Variants in INPP5B observed in about 807,000 individuals in gnomAD.
INPP5B encodes type II inositol 1,4,5-trisphosphate 5-phosphatase.
A neutral mutation model predicts 118.5 loss-of-function variants in INPP5B; 90 were observed. The observed-to-expected ratio is 0.76, with a 90% confidence interval of 0.64 to 0.90. INPP5B has a LOEUF of 0.90. INPP5B is among the 40% of genes least tolerant of loss of function. INPP5B has a pLI of 0.00. For missense variants in INPP5B, 984 were observed against 1,125.6 expected (o/e 0.87, Z 1.80); for synonymous variants, 385 against 418.9 (o/e 0.92, Z 0.99).
chr1:37,883,599 C>T (rs1488872475), intron 13 of INPP5B: 9 of 985,292 alleles, frequency 9.1e-6, no homozygotes, highest in East Asian at 1.1e-4. Context: ...CAGCAGTACA[C>T]GCACACCAAA....
At chr1:37,868,375 A>C in intron 20 of INPP5B, 126 bp downstream of exon 20, 1 of 656,572 alleles carries the variant, frequency 1.5e-6, no homozygotes, top group Non-Finnish European at 2.8e-6. Context: ...CATACTATCT[A>C]TCCTTCCTCC....
chr1:37,889,592 C>T lies in INPP5B; in HGVS notation c.762G>A (p.Gln254=). Residue 254 remains glutamine (Q), a synonymous_variant, in exon 9 of 24, where the codon CAG becomes CAA. Coordinates refer to ENST00000373024, the MANE Select transcript of INPP5B (RefSeq NM_005540.3). ...RDTIVKSHLL[Q]KEEDYTYIQN... The stretch of plus-strand genomic sequence containing the variant: ...GGATATAGGTGTAATCCTCTTCTTT[C>T]TGTAGTAGATGTGATTTCACAATTG... The T allele has an allele frequency of 1.9e-6, 3 of 1,613,918 alleles. No homozygotes were observed. Among genetic ancestry groups the T allele is most frequent in the South Asian group, 2.2e-5 (2 of 91,028 alleles).
chr1:37,889,365 G>A (rs149114407), intron 9 of INPP5B, among the ~76,000 whole-genome samples, 192 bp downstream of exon 9: 37 of 152,166 alleles, frequency 2.4e-4, no homozygotes, highest in African/African-American at 7.7e-4. Context: ...ACCTATCACC[G>A]TGCCCACCTA....
intron 7 of INPP5B, among the ~76,000 whole-genome samples, chr1:37,923,046 A>G (rs1433872135): frequency 6.6e-6 from 1 of 152,204 alleles, no homozygotes; most frequent in Non-Finnish European, 1.5e-5. Context: ...GGGGAGGGCA[A>G]CACAGAGATG....
chr1:37,877,072 A>G (rs1642879879), intron 16 of INPP5B, among the ~76,000 whole-genome samples: 1 of 151,802 alleles, frequency 6.6e-6, no homozygotes, highest in South Asian at 2.1e-4. Context: ...TTTGAAAAAA[A>G]ACAAAAAGAA....
Position 37,887,422 on chromosome 1 carries a change from C to T in INPP5B, c.943G>A (p.Asp315Asn), listed in dbSNP as rs778216492. ...DLSKEAFFFH[D>N]TPKEEEWFKA... ...AACCACTCTTCCTCCTTTGGGGTATCGTGAAAGAAAAAAGCTTCCTTACTC... is the reference window on the plus strand; with the variant it reads ...AACCACTCTTCCTCCTTTGGGGTATTGTGAAAGAAAAAAGCTTCCTTACTC... The change falls in exon 11 of 24, where the codon GAT becomes AAT. Residue 315 changes from aspartate (D) to asparagine (N), a missense_variant. By Grantham distance (23) the Asp-to-Asn change is conservative. Coordinates refer to ENST00000373024, the MANE Select transcript of INPP5B (RefSeq NM_005540.3). The T allele has an allele frequency of 3.7e-5, 59 of 1,612,818 alleles. No individual in the cohort carries two copies. Among genetic ancestry groups the T allele is most frequent in the Non-Finnish European group, 5.0e-5 (59 of 1,179,544 alleles).
In INPP5B at chr1:37,882,801, C is replaced by T. The variant is rs774875657; in HGVS notation, c.1431+6G>A. 1 of 1,609,698 alleles carries T rather than the reference C, an allele frequency of 6.2e-7. No individual in the cohort carries two copies. The highest frequency in any genetic ancestry group is 1.1e-5 in the South Asian group (1 of 90,976). Reference sequence around the variant, plus strand: ...GCTGGAAGAGGGCACAGGTGGCCATCTGTACCTGATCATATGCATACAGCA... The same window carrying T: ...GCTGGAAGAGGGCACAGGTGGCCATTTGTACCTGATCATATGCATACAGCA... On this transcript the variant is annotated splice_donor_region_variant and intron_variant, in intron 14 of 23. Transcript: ENST00000373024.
intron 3 of INPP5B, among the ~76,000 whole-genome samples, chr1:37,945,363 G>T (rs577584139): frequency 6.6e-6 from 1 of 152,078 alleles, no homozygotes; most frequent in East Asian, 1.9e-4. Context: ...GACCTGGGAC[G>T]CAGAGGTTGC....
At chr1:37,929,826 T>G (rs1570354424) in intron 7 of INPP5B, 1 of 152,154 alleles carries the variant, frequency 6.6e-6, no homozygotes, top group Non-Finnish European at 1.5e-5. Flanking sequence ...CTCTGCCTCC[T>G]GGGTTCAAGC....
intron 6 of INPP5B, among the ~76,000 whole-genome samples, chr1:37,935,026 C>T (rs1403060966): frequency 2.0e-5 from 3 of 150,666 alleles, no homozygotes; most frequent in Non-Finnish European, 4.4e-5. Context: ...GGTGAAACCC[C>T]GTCTCTACTA....
chr1:37,869,175 T>C (rs1642242002), intron 19 of INPP5B, among the ~76,000 whole-genome samples: 2 of 151,958 alleles, frequency 1.3e-5, no homozygotes, highest in Non-Finnish European at 2.9e-5. Context: ...TGTATTTTAG[T>C]AGAGATGGGG....
chr1:37,926,405 C>G (rs1221929857), intron 7 of INPP5B, among the ~76,000 whole-genome samples: 3 of 152,104 alleles, frequency 2.0e-5, no homozygotes, highest in African/African-American at 7.2e-5. Flanking sequence ...TTGCTTCAGC[C>G]TCTCAAGTAG....
chr1:37,862,102 G>A lies in INPP5B; in HGVS notation c.*213C>T. ...AACTAAAGTTGAAAATTGAATGTCA[G>A]TTTTATTATGGTGGATTTTCTCCCG... On this transcript the variant is annotated 3_prime_UTR_variant, in exon 24 of 24. Coordinates refer to ENST00000373024, the MANE Select transcript of INPP5B (RefSeq NM_005540.3). The A allele has an allele frequency of 4.2e-6, 2 of 477,760 alleles. No homozygotes were observed. Among genetic ancestry groups the A allele is most frequent in the East Asian group, 3.2e-5 (1 of 31,090 alleles). The allele number at this position is 477,760 out of a possible 1,614,324, so 29.6% of individuals were successfully genotyped here.
intron 1 of INPP5B, 103 bp from the exon 2 acceptor site, chr1:37,946,437 G>A: frequency 1.3e-6 from 1 of 748,110 alleles, no homozygotes; most frequent in South Asian, 1.6e-5. Flanking sequence ...GGCCTTTGCA[G>A]AGGGAGATGG....
In INPP5B at chr1:37,889,556, C is replaced by T; in HGVS notation, c.797+1G>A. On this transcript the variant is annotated splice_donor_variant, in intron 9 of 23. Coordinates refer to ENST00000373024, the MANE Select transcript of INPP5B (RefSeq NM_005540.3). LOFTEE classifies it high-confidence loss of function. ...AAACATCCTAGAACCCAGTTAGCTA[C>T]CTGAAGTTCTGGATATAGGTGTAAT... The T allele has an allele frequency of 6.2e-7, 1 of 1,608,306 alleles. No homozygotes were observed. Among genetic ancestry groups the T allele is most frequent in the Non-Finnish European group, 8.5e-7 (1 of 1,177,248 alleles).
intron 22 of INPP5B, 47 bp downstream of exon 22, chr1:37,865,714 C>G (rs1641985921): frequency 1.2e-6 from 2 of 1,602,742 alleles, no homozygotes; most frequent in African/African-American, 2.7e-5. Flanking sequence ...TCCCTTAGCC[C>G]CATGGGGTCT....
At chr1:37,927,539 C>CTT (rs755352733) in intron 7 of INPP5B, among the ~76,000 whole-genome samples, 28 of 142,470 alleles carry the variant, frequency 2.0e-4, no homozygotes, top group African/African-American at 5.6e-4. Flanking sequence ...CTTTTTCTTT[C>CTT]TTTTTTTTTT....
At chr1:37,873,405 A>G (rs1259066839) in intron 18 of INPP5B, 1 of 515,886 alleles carries the variant, frequency 1.9e-6, no homozygotes, top group Non-Finnish European at 3.5e-6. Flanking sequence ...ATGCTATAAA[A>G]TTCAAGCACT....
chr1:37,909,603 C>A (rs1387258798), intron 7 of INPP5B, among the ~76,000 whole-genome samples: 1 of 152,152 alleles, frequency 6.6e-6, no homozygotes, highest in African/African-American at 2.4e-5. Flanking sequence ...CAGTCCATGG[C>A]CCGTTTGGCA....
Sources: allele counts gnomAD v4.1 joint callset (sites outside exome capture counted in the v4.1 genomes callset), GRCh38; gene constraint gnomAD v4.1.1; transcripts MANE v1.5; gene names NCBI Gene and HGNC (gene_info 2026-07-23, HGNC 2026-07-21).